The following CNTN3 variants were observed in gnomAD, a reference collection of about 807,000 sequenced individuals.
The protein encoded by CNTN3 is contactin-3.
In CNTN3, 60 loss-of-function variants were observed where a neutral mutation model predicts 119.1. That is an observed-to-expected ratio of 0.50 (90% confidence interval 0.41 to 0.62). The LOEUF is 0.62. CNTN3 is among the 20% of genes least tolerant of loss of function. The pLI is 0.00. For missense variants in CNTN3, 1,101 were observed against 1,242.4 expected (o/e 0.89, Z 1.71); for synonymous variants, 450 against 438.7 (o/e 1.03, Z -0.32).
chr3:74,590,521 A>G (rs1306218048), intron 1 of CNTN3, among the ~76,000 whole-genome samples: 2 of 151,020 alleles, frequency 1.3e-5, no homozygotes, highest in Non-Finnish European at 2.9e-5. Flanking sequence ...TCAGAGCAAC[A>G]GCTCTTGGAG....
intron 11 of CNTN3, among the ~76,000 whole-genome samples, chr3:74,347,457 T>C (rs537873701): frequency 6.6e-6 from 1 of 152,316 alleles, no homozygotes; most frequent in Non-Finnish European, 1.5e-5. Flanking sequence ...CCCAAGCTGG[T>C]CTTGAACTCC....
At chr3:74,340,323 C>T (rs987426047) in intron 11 of CNTN3, among the ~76,000 whole-genome samples, 1 of 151,970 alleles carries the variant, frequency 6.6e-6, no homozygotes, top group African/African-American at 2.4e-5. Context: ...TTTAGAAATG[C>T]CTTTCCCAGG....
chr3:74,441,238 T>C (rs1017051307), intron 4 of CNTN3, among the ~76,000 whole-genome samples: 9 of 152,186 alleles, frequency 5.9e-5, no homozygotes, highest in African/African-American at 2.2e-4. Context: ...GAAAGTCATA[T>C]ATTTTATCAT....
At chr3:74,293,379 G>T (rs1427280583) in intron 19 of CNTN3, among the ~76,000 whole-genome samples, 1 of 152,100 alleles carries the variant, frequency 6.6e-6, no homozygotes, top group Non-Finnish European at 1.5e-5. Context: ...AATATAAGGA[G>T]AATCTATTAA....
intron 2 of CNTN3, among the ~76,000 whole-genome samples, chr3:74,507,918 C>T (rs1301386616): frequency 1.3e-5 from 2 of 152,040 alleles, no homozygotes; most frequent in African/African-American, 4.8e-5. Context: ...AGGCATGAGC[C>T]ACCGCGCCTG....
At chr3:74,494,906 C>T (rs1703032810) in intron 3 of CNTN3, among the ~76,000 whole-genome samples, 1 of 152,040 alleles carries the variant, frequency 6.6e-6, no homozygotes, top group Non-Finnish European at 1.5e-5. Flanking sequence ...AACGGTTGGG[C>T]ACATTGTTTG....
chr3:74,584,845 T>C (rs551855267), intron 1 of CNTN3, among the ~76,000 whole-genome samples: 1 of 152,142 alleles, frequency 6.6e-6, no homozygotes, highest in African/African-American at 2.4e-5. Context: ...AGATGCAAGG[T>C]GGAGAAGCAG....
At chr3:74,567,716 T>C (rs1407860720) in intron 1 of CNTN3, among the ~76,000 whole-genome samples, 1 of 152,122 alleles carries the variant, frequency 6.6e-6, no homozygotes, top group Non-Finnish European at 1.5e-5. Context: ...TCTGGGTACC[T>C]GTTTTCAAGA....
chr3:74,603,750 A>G (rs1251630913), intron 1 of CNTN3, among the ~76,000 whole-genome samples: 1 of 152,134 alleles, frequency 6.6e-6, no homozygotes, highest in African/African-American at 2.4e-5. Context: ...ACCCAAAGCA[A>G]TCTACAGATT....
At chr3:74,332,310 A>C (rs1703283919) in intron 13 of CNTN3, among the ~76,000 whole-genome samples, 1 of 152,246 alleles carries the variant, frequency 6.6e-6, no homozygotes, top group Non-Finnish European at 1.5e-5. Context: ...GCTTAAGGGT[A>C]ATGTCATCTT....
At chr3:74,576,701 TAAAA>T (rs1704423172) in intron 1 of CNTN3, among the ~76,000 whole-genome samples, 1 of 152,078 alleles carries the variant, frequency 6.6e-6, no homozygotes. Flanking sequence ...TTATGGTAGG[TAAAA>T]GAAAAGAAAA....
At chr3:74,404,637 TATGGGTCTGCCATACACCATATGAC>T (rs1446715455) in intron 5 of CNTN3, among the ~76,000 whole-genome samples, 2 of 152,024 alleles carry the variant, frequency 1.3e-5, no homozygotes, top group East Asian at 3.9e-4. Context: ...TAAGTTTTAG[TATGGGTCTGCCATACACCATATGAC>T]ATTGCTTAAG....
chr3:74,493,878 T>G (rs1703011785), intron 3 of CNTN3, among the ~76,000 whole-genome samples: 1 of 152,146 alleles, frequency 6.6e-6, no homozygotes, highest in African/African-American at 2.4e-5. Context: ...TTTAAAAAAT[T>G]GAATGTTTAA....
chr3:74,419,467 C>T (rs1701583530), intron 5 of CNTN3, among the ~76,000 whole-genome samples: 1 of 152,174 alleles, frequency 6.6e-6, no homozygotes, highest in South Asian at 2.1e-4. Flanking sequence ...GCTAACAGTT[C>T]TCACCTTTGT....
chr3:74,431,251 G>A (rs956840291), intron 4 of CNTN3, among the ~76,000 whole-genome samples: 1 of 152,004 alleles, frequency 6.6e-6, no homozygotes, highest in African/African-American at 2.4e-5. Context: ...AAGAAACTGG[G>A]GTCACTCTGA....
chr3:74,483,551 G>C (rs1471382906), intron 4 of CNTN3, among the ~76,000 whole-genome samples: 1 of 151,970 alleles, frequency 6.6e-6, no homozygotes, highest in Non-Finnish European at 1.5e-5. Flanking sequence ...TCTCCCTCTG[G>C]GACAAGGACC....
At chr3:74,457,373 C>T (rs1047442242) in intron 4 of CNTN3, among the ~76,000 whole-genome samples, 3 of 151,878 alleles carry the variant, frequency 2.0e-5, no homozygotes, top group Non-Finnish European at 4.4e-5. Context: ...AGTAACTGGT[C>T]AAAACTTTTT....
chr3:74,501,730 C>G (rs1703169947), intron 2 of CNTN3, among the ~76,000 whole-genome samples: 1 of 151,890 alleles, frequency 6.6e-6, no homozygotes, highest in Non-Finnish European at 1.5e-5. Flanking sequence ...GCTTGCTATC[C>G]CCCTTAGTCT....
At chr3:74,611,265 A>T (rs996411688) in intron 1 of CNTN3, among the ~76,000 whole-genome samples, 2 of 152,188 alleles carry the variant, frequency 1.3e-5, no homozygotes, top group East Asian at 3.9e-4. Flanking sequence ...AGATTCTACA[A>T]ATATTTACAT....
Sources: allele counts gnomAD v4.1 joint callset (sites outside exome capture counted in the v4.1 genomes callset), GRCh38; gene constraint gnomAD v4.1.1; transcripts MANE v1.5; gene names NCBI Gene and HGNC (gene_info 2026-07-23, HGNC 2026-07-21).